Variants in KANK1 observed in about 807,000 individuals in gnomAD.
KANK1 encodes the protein KN motif and ankyrin repeat domain-containing protein 1.
KANK1 carries 109 observed loss-of-function variants against 106.2 expected under a neutral mutation model. The observed-to-expected ratio is 1.03, with a 90% CI of 0.88 to 1.20. The LOEUF (loss-of-function observed/expected upper bound fraction) is 1.20. Among genes scored for constraint, KANK1 ranks in the 50% most tolerant of loss-of-function variants. The probability of loss-of-function intolerance (pLI) is 0.00; values close to 1 mark genes in which losing one functional copy is unlikely to be tolerated. For missense variants in KANK1, 2,399 were observed against 1,710.7 expected (o/e 1.40, Z -7.10); for synonymous variants, 873 against 652.2 (o/e 1.34, Z -5.16).
At chr9:524,212 G>T (rs1322091770) in intron 1 of KANK1, among the ~76,000 whole-genome samples, 1 of 151,756 alleles carries the variant, frequency 6.6e-6, no homozygotes. Context: ...AAAGTGATTG[G>T]CTTCAACTTG....
intron 1 of KANK1, among the ~76,000 whole-genome samples, chr9:659,158 C>G (rs889072448): frequency 3.9e-5 from 6 of 152,194 alleles, no homozygotes; most frequent in Non-Finnish European, 8.8e-5. Context: ...CTATTACATG[C>G]TGAGTTCTCA....
At position 730,232 on chromosome 9, in the gene KANK1, C is replaced by T. The variant is rs368277566; in HGVS notation, c.2880C>T (p.Ile960=). The change falls in exon 4 of 12, where the codon ATC becomes ATT. Residue 960 remains isoleucine, a synonymous_variant. Transcript: ENST00000382297. ...LSPVNLTDDQ[I]AAGLYACTNN... is the part of the protein sequence containing the mutation. ...CAGTGAACCTGACAGACGACCAGAT[C>T]GCCGCTGGCCTCTATGGTAACTTTT... 42 of 1,614,070 alleles carry T rather than the reference C, an allele frequency of 2.6e-5. No homozygotes were observed. Among genetic ancestry groups the T allele is most frequent in the Admixed American group, 2.0e-4 (12 of 60,008 alleles).
chr9:587,002 T>A (rs192109651), intron 1 of KANK1, among the ~76,000 whole-genome samples: 1 of 152,314 alleles, frequency 6.6e-6, no homozygotes, highest in East Asian at 1.9e-4. Context: ...AAAACATTTC[T>A]TTTTCCTTTC....
chr9:630,318 G>A (rs919407480), intron 1 of KANK1, among the ~76,000 whole-genome samples: 2 of 152,000 alleles, frequency 1.3e-5, no homozygotes, highest in Non-Finnish European at 1.5e-5. Context: ...CACTTTGGAG[G>A]CTGAGGCGGA....
chr9:514,159 C>T (rs1426326412), intron 1 of KANK1, among the ~76,000 whole-genome samples: 1 of 87,676 alleles, frequency 1.1e-5, no homozygotes, highest in African/African-American at 8.7e-5. Context: ...TCTCTCCCTC[C>T]CTTCCTCTCT....
At chr9:588,660 C>G (rs1010550796) in intron 1 of KANK1, among the ~76,000 whole-genome samples, 5 of 152,118 alleles carry the variant, frequency 3.3e-5, no homozygotes, top group East Asian at 1.9e-4. Context: ...GCCTCTAATG[C>G]TGTAGTAGTC....
intron 3 of KANK1, among the ~76,000 whole-genome samples, chr9:717,152 G>A (rs1280222361): frequency 6.6e-6 from 1 of 151,852 alleles, no homozygotes; most frequent in Non-Finnish European, 1.5e-5. Flanking sequence ...AGGCGTGATG[G>A]CAGATGCCCG....
intron 1 of KANK1, among the ~76,000 whole-genome samples, chr9:651,323 G>A (rs1331940113): frequency 2.0e-5 from 3 of 151,932 alleles, no homozygotes; most frequent in African/African-American, 4.8e-5. Context: ...TTGTTTCATT[G>A]CTTCAAAATT....
chr9:594,152 T>C (rs1348579829), intron 1 of KANK1, among the ~76,000 whole-genome samples: 1 of 151,922 alleles, frequency 6.6e-6, no homozygotes, highest in Non-Finnish European at 1.5e-5. Context: ...CACCTTATTA[T>C]ACTAGAGAGG....
chr9:500,619 G>A (rs1432152204), upstream of KANK1, among the ~76,000 whole-genome samples: 1 of 152,246 alleles, frequency 6.6e-6, no homozygotes. Context: ...AAACAGCAGT[G>A]TGGAAGGAAA....
chr9:738,167 G>A, intron 7 of KANK1, 118 bp from the exon 8 acceptor site: 1 of 793,982 alleles, frequency 1.3e-6, no homozygotes, highest in Non-Finnish European at 2.0e-6. Context: ...GTTTTTGAGA[G>A]CAGATTCTAA....
At chr9:546,795 A>G (rs1479086077) in intron 1 of KANK1, among the ~76,000 whole-genome samples, 4 of 152,048 alleles carry the variant, frequency 2.6e-5, no homozygotes, top group African/African-American at 9.7e-5. Flanking sequence ...GCAACCAAGT[A>G]CGGGCTAATC....
chr9:587,816 A>C (rs1823872506), intron 1 of KANK1, among the ~76,000 whole-genome samples: 1 of 152,238 alleles, frequency 6.6e-6, no homozygotes, highest in South Asian at 2.1e-4. Flanking sequence ...CTGTAATGCC[A>C]GCACTTTAGG....
intron 1 of KANK1, among the ~76,000 whole-genome samples, chr9:512,267 A>C (rs2059066417): frequency 7.1e-6 from 1 of 140,410 alleles, no homozygotes; most frequent in African/African-American, 3.0e-5. Context: ...ATACACACAC[A>C]CAAGATTTTT....
At chr9:630,345 T>A (rs982467908) in intron 1 of KANK1, among the ~76,000 whole-genome samples, 13 of 149,246 alleles carry the variant, frequency 8.7e-5, no homozygotes, top group Admixed American at 5.3e-4. Flanking sequence ...GGTTAAGAGA[T>A]GGAGACCATC....
intron 1 of KANK1, among the ~76,000 whole-genome samples, chr9:626,096 G>T (rs16921323): frequency 6.6e-6 from 1 of 151,892 alleles, no homozygotes; most frequent in Non-Finnish European, 1.5e-5. Flanking sequence ...CATCAATAAG[G>T]TACAGAAAAT....
intron 1 of KANK1, among the ~76,000 whole-genome samples, chr9:553,071 A>T (rs2061375519): frequency 6.6e-6 from 1 of 152,090 alleles, no homozygotes; most frequent in South Asian, 2.1e-4. Flanking sequence ...GCTTGAGCCT[A>T]GGAGGTTGAG....
chr9:574,416 G>A (rs1443974871), intron 1 of KANK1, among the ~76,000 whole-genome samples: 1 of 151,714 alleles, frequency 6.6e-6, no homozygotes, highest in African/African-American at 2.4e-5. Flanking sequence ...ATTGAAGTAT[G>A]GGGTGCTCTG....
chr9:623,387 C>T (rs1024961541), intron 1 of KANK1, among the ~76,000 whole-genome samples: 1 of 151,862 alleles, frequency 6.6e-6, no homozygotes, highest in Non-Finnish European at 1.5e-5. Context: ...TCCAGGAGTT[C>T]CAGACCAACC....
Sources: allele counts gnomAD v4.1 joint callset (sites outside exome capture counted in the v4.1 genomes callset), GRCh38; gene constraint gnomAD v4.1.1; transcripts MANE v1.5; gene names NCBI Gene and HGNC (gene_info 2026-07-23, HGNC 2026-07-21).